The following EFTUD2 variants were observed in gnomAD, a reference collection of about 807,000 sequenced individuals.
EFTUD2 encodes the protein elongation factor Tu GTP binding domain containing 2.
In EFTUD2, 9 loss-of-function variants were observed where a neutral mutation model predicts 114.3. That is an observed-to-expected ratio of 0.08 (90% confidence interval 0.05 to 0.14). EFTUD2 has a LOEUF of 0.14. EFTUD2 is among the 10% of genes least tolerant of loss of function. The probability of loss-of-function intolerance (pLI) is 1.00; values close to 1 mark genes in which losing one functional copy is unlikely to be tolerated. For synonymous variants in EFTUD2, 449 were observed against 462.3 expected (o/e 0.97, Z 0.37); for missense variants, 765 against 1,241.2 (o/e 0.62, Z 5.76).
chr17:44,852,415 G>A lies in EFTUD2; in HGVS notation c.2709C>T (p.His903=). Residue 903 remains histidine (H), a synonymous_variant, in exon 26 of 28, where the codon CAC becomes CAT. Coordinates refer to ENST00000426333, the MANE Select transcript of EFTUD2 (RefSeq NM_004247.4). ...GCCTGCATTGCTTTCTCACCTGCCAGTGGTGGAAGACAGACAGAGAAAAGG... is the reference window on the plus strand; with the variant it reads ...GCCTGCATTGCTTTCTCACCTGCCAATGGTGGAAGACAGACAGAGAAAAGG... ...GQAFSLSVFH[H]WQIVPGDPLD... is the part of the protein sequence containing the mutation. 1 of 1,614,078 alleles carries A rather than the reference G, an allele frequency of 6.2e-7. No homozygotes were observed. The highest frequency in any genetic ancestry group is 8.5e-7 in the Non-Finnish European group (1 of 1,180,018).
rs923694972 is a variant in EFTUD2, at chr17:44,851,760, G to C, written c.2773C>G (p.Pro925Ala). The C allele has an allele frequency of 6.2e-7, 1 of 1,603,292 alleles. No homozygotes were observed. The highest frequency in any genetic ancestry group is 8.5e-7 in the Non-Finnish European group (1 of 1,176,454). ...SIVIRPLEPQ[P>A]APHLAREFMI... is the part of the protein sequence containing the mutation. The stretch of plus-strand genomic sequence containing the variant: ...AATTCCCGGGCCAGGTGAGGAGCTG[G>C]CTGTGGCTCCAAGGGGCGGATGACA... The change falls in exon 27 of 28, where the codon CCA becomes GCA. Residue 925 changes from proline to alanine, a missense_variant. Pro to Ala is a conservative substitution (Grantham distance 27, BLOSUM62 -1). Around this residue, in one of 6 missense-constraint regions of EFTUD2, gnomAD observed 166 missense variants for 401.5 expected, o/e 0.41. Coordinates refer to ENST00000426333, the MANE Select transcript of EFTUD2 (RefSeq NM_004247.4).
In EFTUD2 at chr17:44,854,183, T is replaced by C; in HGVS notation, c.2347+86A>G. On this transcript the variant is annotated intron_variant, in intron 23 of 27. Coordinates refer to ENST00000426333, the MANE Select transcript of EFTUD2 (RefSeq NM_004247.4). The surrounding 1 kb of genome is among the most constrained non-coding windows in gnomAD (Gnocchi z 4.3). ...ACCCCAAGCTGCTTCTCCTGCCGAATCCTAAAGATGGTGAGCCCATCCCAC... is the reference window on the plus strand; with the variant it reads ...ACCCCAAGCTGCTTCTCCTGCCGAACCCTAAAGATGGTGAGCCCATCCCAC... The C allele has an allele frequency of 6.8e-7, 1 of 1,464,832 alleles. No individual in the cohort carries two copies. The highest frequency in any genetic ancestry group is 9.2e-7 in the Non-Finnish European group (1 of 1,084,008). The allele number at this position is 1,464,832 out of a possible 1,614,324, so 90.7% of individuals were successfully genotyped here.
chr17:44,851,209 C>T lies in EFTUD2; in HGVS notation c.*65G>A. 7.4e-7 allele frequency: 1 copy of T among 1,354,568 alleles called. No individual in the cohort carries two copies. The highest frequency in any genetic ancestry group is 1.2e-5 in the South Asian group (1 of 85,798). 83.9% of individuals were successfully genotyped at this position (1,354,568 alleles called of 1,614,324 possible). ...ACACGAAGGCCACGTCATATGAGGT[C>T]TCAGCTTCAAGTACAGGAGTTGCAG... On this transcript the variant is annotated 3_prime_UTR_variant, in exon 28 of 28. Transcript: ENST00000426333.
chr17:44,872,292 C>T (rs768726216), intron 11 of EFTUD2, among the ~76,000 whole-genome samples, 154 bp downstream of exon 11: 1 of 152,190 alleles, frequency 6.6e-6, no homozygotes, highest in Non-Finnish European at 1.5e-5. Context: ...GAAAGGGTCT[C>T]AAGGCCACAA....
rs551187109 is a variant in EFTUD2, at chr17:44,853,228, G to GGAGCC, written c.2561+63_2561+67dup. 64 of 1,529,306 alleles carry GGAGCC rather than the reference G, an allele frequency of 4.2e-5. No individual in the cohort carries two copies. The East Asian group carries it at 1.4e-3, about 34-fold the overall frequency. 94.7% of individuals were successfully genotyped at this position (1,529,306 alleles called of 1,614,324 possible). On this transcript the variant is annotated intron_variant, in intron 25 of 27. Coordinates refer to ENST00000426333, the MANE Select transcript of EFTUD2 (RefSeq NM_004247.4). ...AGAAGGCCAACCTCTCTTCCCTGTA[G>GGAGCC]GAGCCGAGGTGACTCTTGTTCTGCT...
At chr17:44,866,105 C>T (rs917653826) in intron 13 of EFTUD2, among the ~76,000 whole-genome samples, 4 of 152,218 alleles carry the variant, frequency 2.6e-5, no homozygotes, top group African/African-American at 7.2e-5. Context: ...CAACCACATC[C>T]GGCCACGTTA....
At chr17:44,879,047 G>A (rs1235853777) in intron 9 of EFTUD2, among the ~76,000 whole-genome samples, 1 of 152,070 alleles carries the variant, frequency 6.6e-6, no homozygotes, top group Non-Finnish European at 1.5e-5. Flanking sequence ...ATCATTTTGA[G>A]CTTCACTGAG....
chr17:44,884,022 T>C, intron 4 of EFTUD2: 1 of 346,930 alleles, frequency 2.9e-6, no homozygotes, highest in Admixed American at 3.8e-5. Context: ...ATCCCAGCAC[T>C]TTGGGAGGCC....
chr17:44,887,078 G>C (rs1274461239), intron 2 of EFTUD2, among the ~76,000 whole-genome samples: 2 of 152,148 alleles, frequency 1.3e-5, no homozygotes, highest in Non-Finnish European at 2.9e-5. Flanking sequence ...GAAACCAAAA[G>C]CCAGAGGTAA....
chr17:44,865,335 G>C (rs892084228), intron 13 of EFTUD2: 3 of 358,948 alleles, frequency 8.4e-6, no homozygotes, highest in Non-Finnish European at 1.5e-5. Flanking sequence ...CTGCCCCCTG[G>C]TGTCTGAAAA....
intron 6 of EFTUD2, among the ~76,000 whole-genome samples, chr17:44,882,240 T>C (rs2051085351): frequency 6.6e-6 from 1 of 150,932 alleles, no homozygotes; most frequent in Non-Finnish European, 1.5e-5. Flanking sequence ...GGCTGGGTTT[T>C]TCTTTTTGGT....
intron 11 of EFTUD2, among the ~76,000 whole-genome samples, chr17:44,870,474 A>G (rs963623331): frequency 6.6e-6 from 1 of 152,218 alleles, no homozygotes; most frequent in Non-Finnish European, 1.5e-5. Context: ...CACAGATTAC[A>G]TATGTATACA....
In EFTUD2 at chr17:44,860,503, C is replaced by A; in HGVS notation, c.1648G>T (p.Val550Phe). The change falls in exon 17 of 28, where the codon GTT becomes TTT. Residue 550 changes from valine (V) to phenylalanine (F), a missense_variant. Transcript: ENST00000426333. ...GGTTGATCAACACCTTCAATCAGAACCCAGTTGCCAGCAGGAACACGGTTC... is the reference window on the plus strand; with the variant it reads ...GGTTGATCAACACCTTCAATCAGAAACCAGTTGCCAGCAGGAACACGGTTC... ...EVNRVPAGNW[V>F]LIEGVDQPIV... is the part of the protein sequence containing the mutation. The A allele has an allele frequency of 6.2e-7, 1 of 1,614,058 alleles. No homozygotes were observed. The highest frequency in any genetic ancestry group is 1.1e-5 in the South Asian group (1 of 91,074).
chr17:44,865,307 G>A, intron 13 of EFTUD2: 1 of 470,070 alleles, frequency 2.1e-6, no homozygotes, highest in Non-Finnish European at 3.8e-6. Context: ...CAAGCACTCA[G>A]ATTGATTACT....
chr17:44,898,124 A>G (rs2051427611), intron 1 of EFTUD2, among the ~76,000 whole-genome samples: 1 of 152,214 alleles, frequency 6.6e-6, no homozygotes, highest in Admixed American at 6.5e-5. Context: ...TTTCACATGC[A>G]TATTCTTTTT....
chr17:44,852,012 G>A (rs2050463062), intron 26 of EFTUD2, among the ~76,000 whole-genome samples, 195 bp from the exon 27 acceptor site: 1 of 151,994 alleles, frequency 6.6e-6, no homozygotes, highest in South Asian at 2.1e-4. Flanking sequence ...CCGCCTCCCG[G>A]GTTCAAGCGA....
intron 11 of EFTUD2, among the ~76,000 whole-genome samples, chr17:44,869,001 AG>A (rs2050799446): frequency 6.6e-6 from 1 of 152,244 alleles, no homozygotes; most frequent in Non-Finnish European, 1.5e-5. Flanking sequence ...GATAACTGAT[AG>A]CACCAACCAC....
In EFTUD2 at chr17:44,868,293, G is replaced by C. The variant is rs966447507; in HGVS notation, c.1052C>G (p.Pro351Arg). The C allele has an allele frequency of 6.2e-7, 1 of 1,613,776 alleles. No homozygotes were observed. Among genetic ancestry groups the C allele is most frequent in the East Asian group, 2.2e-5 (1 of 44,870 alleles). ...KRLWGDIYFN[P>R]KTRKFTKKAP... ...CGTCCCATACTCTACTTACGTCTTA[G>C]GGTTGAAGTAGATGTCACCCCAGAG... is the stretch of plus-strand genomic sequence containing the variant. The change falls in exon 12 of 28, where the codon CCT becomes CGT. Residue 351 changes from proline to arginine, a missense_variant. By Grantham distance (103) the Pro-to-Arg change is moderately radical (BLOSUM62 -2). Coordinates refer to ENST00000426333, the MANE Select transcript of EFTUD2 (RefSeq NM_004247.4).
chr17:44,867,461 A>G (rs1413239253), intron 13 of EFTUD2, among the ~76,000 whole-genome samples: 1 of 151,596 alleles, frequency 6.6e-6, no homozygotes, highest in Admixed American at 6.6e-5. Context: ...CACCATGCCC[A>G]GCTAATTTTT....
Sources: gnomAD v4.1 joint callset for allele counts (sites outside exome capture counted in the v4.1 genomes callset) on GRCh38, gnomAD v4.1.1 for gene constraint, gnomAD v4.1.1 regional missense constraint, Gnocchi (gnomAD v3.1) non-coding constraint, MANE v1.5 for transcripts, NCBI Gene and HGNC (gene_info 2026-07-23, HGNC 2026-07-21) for gene names.